The following ADGRL3 variants were observed in gnomAD, a reference collection of about 807,000 sequenced individuals.
The protein encoded by ADGRL3 is calcium-independent alpha-latrotoxin receptor 3.
ADGRL3 carries 62 observed loss-of-function variants against 153.5 expected under a neutral mutation model. That is an observed-to-expected ratio of 0.40 (90% CI 0.33 to 0.50). The LOEUF (loss-of-function observed/expected upper bound fraction) is 0.50, where lower values mean the gene tolerates loss of function less well. Ranked by LOEUF, ADGRL3 falls within the 20% of genes least tolerant of loss-of-function variation. The probability of loss-of-function intolerance (pLI) is 0.47; values close to 1 mark genes in which losing one functional copy is unlikely to be tolerated. For synonymous variants in ADGRL3, 710 were observed against 672.5 expected (o/e 1.06, Z -0.86); for missense variants, 1,641 against 1,859.4 (o/e 0.88, Z 2.16).
At chr4:61,791,946 AC>A (rs2152436612) in intron 8 of ADGRL3, among the ~76,000 whole-genome samples, 1 of 152,068 alleles carries the variant, frequency 6.6e-6, no homozygotes, top group South Asian at 2.1e-4. Flanking sequence ...CCATGAAACC[AC>A]TTTTTCATCC....
chr4:61,869,719 A>G (rs898531269), intron 9 of ADGRL3, among the ~76,000 whole-genome samples: 9 of 151,662 alleles, frequency 5.9e-5, no homozygotes, highest in Admixed American at 5.9e-4. Context: ...CGGGCGGATC[A>G]CCTGAGGTCG....
At chr4:61,552,139 C>G (rs1009839233) in intron 4 of ADGRL3, among the ~76,000 whole-genome samples, 1 of 148,446 alleles carries the variant, frequency 6.7e-6, no homozygotes, top group African/African-American at 2.5e-5. Flanking sequence ...ACCCAATAAA[C>G]ACAGAAGCAA....
chr4:62,042,859 T>C (rs1729103315), intron 24 of ADGRL3, among the ~76,000 whole-genome samples: 1 of 152,208 alleles, frequency 6.6e-6, no homozygotes, highest in South Asian at 2.1e-4. Context: ...ATTAGTATAC[T>C]GAGAATACCT....
In ADGRL3 at chr4:61,894,117, G is replaced by A. The variant is rs146307150; in HGVS notation, c.1783+1159G>A. 3.8e-4 allele frequency among the ~76,000 whole-genome samples: 57 copies of A among 151,922 alleles called. 1 individual carries two copies. Among genetic ancestry groups the A allele is most frequent in the African/African-American group, 1.3e-3 (52 of 41,386 alleles). On this transcript the variant is annotated intron_variant, in intron 10 of 26. Coordinates refer to ENST00000683033, the MANE Select transcript of ADGRL3 (RefSeq NM_001387552.1). ...GGTATTCTGATTTTCTTATTGTTAC[G>A]TACATTGGTATTCATAAATGAATAC...
chr4:61,511,176 G>T (rs1036723143), intron 3 of ADGRL3, among the ~76,000 whole-genome samples: 7 of 152,080 alleles, frequency 4.6e-5, no homozygotes, highest in African/African-American at 7.2e-5. Context: ...TTGCCAACTT[G>T]GTGAAACCCT....
At chr4:61,765,607 G>A (rs1224293914) in intron 8 of ADGRL3, among the ~76,000 whole-genome samples, 1 of 151,990 alleles carries the variant, frequency 6.6e-6, no homozygotes, top group East Asian at 1.9e-4. Flanking sequence ...ACTGTATTGA[G>A]GTGGGAAGGC....
At position 62,073,043 on chromosome 4, in the gene ADGRL3, C is replaced by G. The variant is rs986160700; in HGVS notation, c.*2135C>G. ...TTTATAGCAGTGTCCAAGTACAGAT[C>G]CCCTGTTAGGGCAAAGCTAAAAGGA... On this transcript the variant is annotated 3_prime_UTR_variant, in exon 27 of 27. Coordinates refer to ENST00000683033, the MANE Select transcript of ADGRL3 (RefSeq NM_001387552.1). 2 of 151,934 alleles carry G rather than the reference C, an allele frequency of 1.3e-5. No individual in the cohort carries two copies. Among genetic ancestry groups the G allele is most frequent in the Non-Finnish European group, 2.9e-5 (2 of 67,966 alleles). 9.4% of individuals were successfully genotyped at this position (151,934 alleles called of 1,614,324 possible).
chr4:62,065,881 T>G (rs1368564935), intron 25 of ADGRL3, among the ~76,000 whole-genome samples: 1 of 152,024 alleles, frequency 6.6e-6, no homozygotes, highest in African/African-American at 2.4e-5. Flanking sequence ...AATACTGTAT[T>G]GATACAAATT....
rs1217834701 is a variant in ADGRL3, at chr4:61,641,430, T to TC, written c.474-35390dup. Among the ~76,000 whole-genome samples the TC allele has an allele frequency of 5.8e-5, 5 of 86,916 alleles. No individual in the cohort carries two copies. In the Admixed American group the frequency reaches 7.6e-4, roughly 13 times the overall value. 57.0% of individuals were successfully genotyped at this position (86,916 alleles called of 152,430 possible). A position where few individuals can be genotyped will look rare whatever the true frequency, so the allele number is the denominator to read the frequency against. ...TAGGTATATCTCCCAATGCTATCCC[T>TC]CCCCCCTCCCCCCACCCCACAACAG... On this transcript the variant is annotated intron_variant, in intron 5 of 26. Coordinates refer to ENST00000683033, the MANE Select transcript of ADGRL3 (RefSeq NM_001387552.1).
chr4:61,516,055 TC>T (rs1284082288), intron 3 of ADGRL3, among the ~76,000 whole-genome samples: 1 of 152,162 alleles, frequency 6.6e-6, no homozygotes, highest in African/African-American at 2.4e-5. Flanking sequence ...TAAAAATGTT[TC>T]GGGGCAATGT....
At chr4:61,727,581 G>A (rs982287257) in intron 6 of ADGRL3, among the ~76,000 whole-genome samples, 2 of 152,026 alleles carry the variant, frequency 1.3e-5, no homozygotes, top group African/African-American at 4.8e-5. Flanking sequence ...AGGGAAGGGA[G>A]TATTTTAGGC....
intron 9 of ADGRL3, among the ~76,000 whole-genome samples, chr4:61,892,292 A>C (rs572620792): frequency 3.7e-4 from 56 of 151,840 alleles, no homozygotes; most frequent in Non-Finnish European, 6.3e-4. Context: ...ACAAAGTTTG[A>C]TAATTCTAAG....
chr4:61,534,802 AT>A (rs1402357650), intron 4 of ADGRL3, among the ~76,000 whole-genome samples: 1 of 152,062 alleles, frequency 6.6e-6, no homozygotes, highest in Non-Finnish European at 1.5e-5. Context: ...GTATCCTGAA[AT>A]TTTACTGAAG....
At chr4:61,846,842 T>A (rs1477689311) in intron 9 of ADGRL3, among the ~76,000 whole-genome samples, 1 of 151,062 alleles carries the variant, frequency 6.6e-6, no homozygotes, top group Non-Finnish European at 1.5e-5. Context: ...CAAGGTGGGG[T>A]GGGGCGGGAA....
intron 8 of ADGRL3, among the ~76,000 whole-genome samples, chr4:61,736,787 A>C (rs2096522695): frequency 6.6e-6 from 1 of 152,224 alleles, no homozygotes; most frequent in African/African-American, 2.4e-5. Flanking sequence ...GAACAACGAC[A>C]ATTAAGACTT....
intron 19 of ADGRL3, among the ~76,000 whole-genome samples, chr4:61,995,996 T>C (rs1448820755): frequency 2.0e-5 from 3 of 152,116 alleles, no homozygotes; most frequent in Admixed American, 1.3e-4. Context: ...GTATGGCTTT[T>C]TCTTTCTTTA....
At chr4:62,032,291 C>A (rs940706003) in intron 23 of ADGRL3, among the ~76,000 whole-genome samples, 1 of 151,086 alleles carries the variant, frequency 6.6e-6, no homozygotes, top group South Asian at 2.1e-4. Context: ...TATAAATTTT[C>A]AAAGTTAATT....
chr4:61,738,581 TG>T (rs1393402349), intron 8 of ADGRL3, among the ~76,000 whole-genome samples: 1 of 152,120 alleles, frequency 6.6e-6, no homozygotes, highest in East Asian at 1.9e-4. Context: ...AGGAAAGACA[TG>T]AAAAAAAAGC....
chr4:61,541,433 T>C (rs2098689819), intron 4 of ADGRL3, among the ~76,000 whole-genome samples: 2 of 150,064 alleles, frequency 1.3e-5, no homozygotes, highest in Admixed American at 1.3e-4. Flanking sequence ...TGGACTTTCC[T>C]GTAATCCCAT....
Sources: gnomAD v4.1 joint callset for allele counts (sites outside exome capture counted in the v4.1 genomes callset) on GRCh38, gnomAD v4.1.1 for gene constraint, MANE v1.5 for transcripts, NCBI Gene and HGNC (gene_info 2026-07-23, HGNC 2026-07-21) for gene names.